NT5C1A: variants seen among roughly 807,000 people sequenced by gnomAD.
NT5C1A encodes the protein cytosolic 5'-nucleotidase 1A.
In NT5C1A, 18 loss-of-function variants were observed where a neutral mutation model predicts 31.0. That is an observed-to-expected ratio of 0.58 (90% CI 0.40 to 0.86). NT5C1A has a LOEUF of 0.86. Among genes scored for constraint, NT5C1A ranks in the 40% least tolerant of loss-of-function variants. The probability of loss-of-function intolerance (pLI) is 0.00; values close to 1 mark genes in which losing one functional copy is unlikely to be tolerated. For missense variants in NT5C1A, 470 were observed against 505.4 expected, an observed-to-expected ratio of 0.93 and a Z score of 0.67; for synonymous variants, 185 against 203.6, an observed-to-expected ratio of 0.91 and a Z score of 0.78.
At position 39,658,689 on chromosome 1, in the gene NT5C1A, C is replaced by T. The variant is rs1646474848; in HGVS notation, c.*432G>A. Among the ~76,000 whole-genome samples the T allele has an allele frequency of 6.6e-6, 1 of 152,140 alleles. No individual in the cohort carries two copies. The highest frequency in any genetic ancestry group is 2.4e-5 in the African/African-American group (1 of 41,438). On this transcript the variant is annotated 3_prime_UTR_variant, in exon 6 of 6. Coordinates refer to ENST00000235628, the MANE Select transcript of NT5C1A (RefSeq NM_032526.3). ...GCCCAAAAGATGGGGAAACTGGGGG[C>T]CATGAAGGGGAGGGATTACTCAAAG...
In NT5C1A at chr1:39,657,118, A is replaced by G. The variant is rs1367060044; in HGVS notation, c.*2003T>C. 4.6e-5 allele frequency among the ~76,000 whole-genome samples: 7 copies of G among 152,186 alleles called. No individual in the cohort carries two copies. Among genetic ancestry groups the G allele is most frequent in the African/African-American group, 1.7e-4 (7 of 41,442 alleles). On this transcript the variant is annotated 3_prime_UTR_variant, in exon 6 of 6. Coordinates refer to ENST00000235628, the MANE Select transcript of NT5C1A (RefSeq NM_032526.3). Reference sequence around the variant, plus strand: ...CAATAATGCCAGTGTCCCCTGATAAAGCAGTCACTGTGGGTATCTGTCCCA... The same window carrying G: ...CAATAATGCCAGTGTCCCCTGATAAGGCAGTCACTGTGGGTATCTGTCCCA...
chr1:39,665,017 C>A lies in NT5C1A; in HGVS notation c.433+504G>T, dbSNP rs539485828. Among the ~76,000 whole-genome samples, 7 of 152,272 alleles carry A rather than the reference C, an allele frequency of 4.6e-5. No homozygotes were observed. The South Asian group carries it at 6.2e-4, about 14-fold the overall frequency. On this transcript the variant is annotated intron_variant, in intron 3 of 5. Coordinates refer to ENST00000235628, the MANE Select transcript of NT5C1A (RefSeq NM_032526.3). ...CACCCCTGTAACCTAATAAAAAATTCTCCTGGGCTTAAGCTAGCTCTGGAG... is the reference window on the plus strand; with the variant it reads ...CACCCCTGTAACCTAATAAAAAATTATCCTGGGCTTAAGCTAGCTCTGGAG...
At chr1:39,671,514 G>C (rs1046970950) in intron 1 of NT5C1A, among the ~76,000 whole-genome samples, 23 of 152,226 alleles carry the variant, frequency 1.5e-4, no homozygotes, top group African/African-American at 3.9e-4. Context: ...AGACCGGAGC[G>C]CACAGCCAGG....
chr1:39,666,341 C>A (rs1646522366), intron 1 of NT5C1A, 105 bp from the exon 2 acceptor site: 1 of 1,132,630 alleles, frequency 8.8e-7, no homozygotes. Context: ...AAGACCCAGA[C>A]CCAGTCTCTA....
In NT5C1A at chr1:39,659,065, G is replaced by T. The variant is rs765029278; in HGVS notation, c.*56C>A. On this transcript the variant is annotated 3_prime_UTR_variant, in exon 6 of 6. Coordinates refer to ENST00000235628, the MANE Select transcript of NT5C1A (RefSeq NM_032526.3). ...ACTAGAGGGATCTACCAGAGGAGGT[G>T]TCGAAGTATGTCAGGGAGCCTGGAG... 4.6e-5 allele frequency: 70 copies of T among 1,526,718 alleles called. No individual in the cohort carries two copies. The highest frequency in any genetic ancestry group is 5.2e-5 in the Non-Finnish European group (59 of 1,138,556). 94.6% of individuals were successfully genotyped at this position (1,526,718 alleles called of 1,614,324 possible).
rs1443138278 is a variant in NT5C1A at position 39,655,748 on chromosome 1, A to T, written c.*3373T>A. Among the ~76,000 whole-genome samples the T allele has an allele frequency of 6.6e-6, 1 of 151,372 alleles. No homozygotes were observed. The highest frequency in any genetic ancestry group is 2.4e-5 in the African/African-American group (1 of 41,264). On this transcript the variant is annotated 3_prime_UTR_variant, in exon 6 of 6. Transcript: ENST00000235628. ...TAGACACTGGCCATAGTGCCGCTGC[A>T]GCCTCCTAGAGGCTGCATTGTGGGA...
intron 1 of NT5C1A, among the ~76,000 whole-genome samples, chr1:39,668,769 C>T (rs541314517): frequency 8.8e-4 from 134 of 152,368 alleles, no homozygotes; most frequent in African/African-American, 3.0e-3. Context: ...AGGTTTCTAA[C>T]GGCAGGTCTC....
In NT5C1A at chr1:39,665,565, TG is replaced by T. The variant is rs1341367029; in HGVS notation, c.388del (p.His130MetfsTer24). On this transcript the variant is annotated frameshift_variant, in exon 3 of 6. Transcript: ENST00000235628. LOFTEE classifies it high-confidence loss of function. Reference sequence around the variant, plus strand: ...GATGAGGCGGACACCCACTTGAGCATGGTTGTTAGTCATGAGGACGATGTCG... The same window carrying T: ...GATGAGGCGGACACCCACTTGAGCATGTTGTTAGTCATGAGGACGATGTCG... ...VFDIVLMTNN[H>X]AQVGVRLINS... The T allele has an allele frequency of 3.1e-6, 5 of 1,613,374 alleles. No homozygotes were observed. Among genetic ancestry groups the T allele is most frequent in the Non-Finnish European group, 4.2e-6 (5 of 1,179,882 alleles).
Position 39,661,126 on chromosome 1 carries a change from G to T in NT5C1A, c.694C>A (p.Arg232=). 1.3e-6 allele frequency: 2 copies of T among 1,593,506 alleles called. No homozygotes were observed. Among genetic ancestry groups the T allele is most frequent in the Non-Finnish European group, 8.6e-7 (1 of 1,163,156 alleles). Residue 232 remains arginine (R), a synonymous_variant, in exon 5 of 6, where the codon CGA becomes AGA. Transcript: ENST00000235628. ...TGGGCCTTCTCATGCTCGAAGAATC[G>T]GTCCAGCCCGTGGGCCTTGACGATG... ...ERIVKAHGLD[R]FFEHEKAHEN... is the part of the protein sequence containing the mutation.
chr1:39,652,867 G>A lies in NT5C1A; in HGVS notation c.*6254C>T, dbSNP rs562562394. On this transcript the variant is annotated 3_prime_UTR_variant, in exon 6 of 6. Transcript: ENST00000235628. ...GGCCACATTAGAACACTCAAGCAGA[G>A]GCAGGAATCTTTGCCTAGGTTGGGC... Among the ~76,000 whole-genome samples the A allele has an allele frequency of 6.6e-6, 1 of 152,118 alleles. No individual in the cohort carries two copies. The highest frequency in any genetic ancestry group is 2.4e-5 in the African/African-American group (1 of 41,498).
rs1425218126 is a variant in NT5C1A at position 39,671,963 on chromosome 1, C to T, written c.76G>A (p.Val26Ile). 1.9e-6 allele frequency: 3 copies of T among 1,612,622 alleles called. No individual in the cohort carries two copies. Among genetic ancestry groups the T allele is most frequent in the Non-Finnish European group, 2.5e-6 (3 of 1,179,856 alleles). The change falls in exon 1 of 6, where the codon GTC (valine) becomes ATC (isoleucine). Residue 26 changes from valine to isoleucine, a missense_variant. Coordinates refer to ENST00000235628, the MANE Select transcript of NT5C1A (RefSeq NM_032526.3). ...GPGAETAAAPVWEEAKIFYDN... is the reference protein window; with the variant it reads ...GPGAETAAAPIWEEAKIFYDN... ...TAGAAAATCTTGGCTTCCTCCCAGA[C>T]CGGGGCCGCAGCGGTCTCCGCTCCT...
chr1:39,665,459 T>A, intron 3 of NT5C1A, 62 bp downstream of exon 3: 1 of 1,522,602 alleles, frequency 6.6e-7, no homozygotes, highest in Non-Finnish European at 8.9e-7. Flanking sequence ...TGTGGCCCCA[T>A]CCCTGGGGGG....
rs369974721 is a variant in NT5C1A at position 39,666,269 on chromosome 1, A to T, written c.136-33T>A. 3.3e-5 allele frequency: 53 copies of T among 1,605,786 alleles called. 1 individual carries two copies. The highest frequency in any genetic ancestry group is 3.3e-4 in the Middle Eastern group (2 of 6,050). On this transcript the variant is annotated intron_variant, in intron 1 of 5. Coordinates refer to ENST00000235628, the MANE Select transcript of NT5C1A (RefSeq NM_032526.3). ...GGTATGGGAGAAGGGGTTGTCACTC[A>T]GATGACTGCCCCTGAGGCAGGCTCA...
At position 39,656,745 on chromosome 1, in the gene NT5C1A, AG is replaced by A; in HGVS notation, c.*2375del. Among the ~76,000 whole-genome samples the A allele has an allele frequency of 6.6e-6, 1 of 152,232 alleles. No individual in the cohort carries two copies. The highest frequency in any genetic ancestry group is 1.9e-4 in the East Asian group (1 of 5,198). ...TCAGTCAGCCTGTTGCCATGCTGTG[AG>A]CCTGGGCTGTGCCCGGCCTTGTAGG... is the stretch of plus-strand genomic sequence containing the variant. On this transcript the variant is annotated 3_prime_UTR_variant, in exon 6 of 6. Coordinates refer to ENST00000235628, the MANE Select transcript of NT5C1A (RefSeq NM_032526.3).
At chr1:39,666,277 G>GC in intron 1 of NT5C1A, 41 bp from the exon 2 acceptor site, 1 of 1,592,728 alleles carries the variant, frequency 6.3e-7, no homozygotes, top group South Asian at 1.1e-5. Context: ...TCAGATGACT[G>GC]CCCCTGAGGC....
At chr1:39,664,490 C>CCTCCT (rs1646509715) in intron 3 of NT5C1A, among the ~76,000 whole-genome samples, 2 of 2,898 alleles carry the variant, frequency 6.9e-4, no homozygotes, top group African/African-American at 1.8e-3. Context: ...GTGGATTTCT[C>CCTCCT]CTCCTCTCCT....
At position 39,659,094 on chromosome 1, in the gene NT5C1A, T is replaced by C. The variant is rs1646476858; in HGVS notation, c.*27A>G. ...AAGTATGTCAGGGAGCCTGGAGCAATGTGGATCAGTAAAGCCGGTGGTTCA... is the reference window on the plus strand; with the variant it reads ...AAGTATGTCAGGGAGCCTGGAGCAACGTGGATCAGTAAAGCCGGTGGTTCA... On this transcript the variant is annotated 3_prime_UTR_variant, in exon 6 of 6. Transcript: ENST00000235628. 6.4e-7 allele frequency: 1 copy of C among 1,561,016 alleles called. No individual in the cohort carries two copies. The highest frequency in any genetic ancestry group is 8.7e-7 in the Non-Finnish European group (1 of 1,152,434).
In NT5C1A at chr1:39,653,673, A is replaced by C. The variant is rs553677602; in HGVS notation, c.*5448T>G. ...GTAAATCAGTGGGTAGAATCACTTG[A>C]CTACTGCCAGCAGCTGCGTGCCGGC... On this transcript the variant is annotated 3_prime_UTR_variant, in exon 6 of 6. Coordinates refer to ENST00000235628, the MANE Select transcript of NT5C1A (RefSeq NM_032526.3). 2.6e-5 allele frequency among the ~76,000 whole-genome samples: 4 copies of C among 152,234 alleles called. No homozygotes were observed. The South Asian group carries it at 8.3e-4, about 32-fold the overall frequency.
At chr1:39,660,046 C>T (rs12566856) in intron 5 of NT5C1A, among the ~76,000 whole-genome samples, 4,655 of 152,286 alleles carry the variant, frequency 0.031, 175 homozygotes, top group East Asian at 0.15. Context: ...AATAAAAAAA[C>T]AGACAACGAT....
Sources: gnomAD v4.1 joint callset for allele counts (sites outside exome capture counted in the v4.1 genomes callset) on GRCh38, gnomAD v4.1.1 for gene constraint, MANE v1.5 for transcripts, NCBI Gene and HGNC (gene_info 2026-07-23, HGNC 2026-07-21) for gene names.